TASP1: variants seen among roughly 807,000 people sequenced by gnomAD.
The protein encoded by TASP1 is threonine aspartase 1.
A neutral mutation model predicts 56.6 loss-of-function variants in TASP1; 16 were observed. The observed-to-expected ratio is 0.28, with a 90% CI of 0.19 to 0.43. The LOEUF (loss-of-function observed/expected upper bound fraction) is 0.43, where lower values mean the gene tolerates loss of function less well. TASP1 is among the 20% of genes least tolerant of loss of function. The pLI is 1.00. For missense variants in TASP1, 393 were observed against 511.6 expected (o/e 0.77, Z 2.24); for synonymous variants, 179 against 184.2 (o/e 0.97, Z 0.23).
At chr20:13,365,854 T>G in the TASP1 span, among the ~76,000 whole-genome samples, 1 of 151,886 alleles carries the variant, frequency 6.6e-6, no homozygotes, top group Non-Finnish European at 1.5e-5. Flanking sequence ...GGCCTGGGGA[T>G]AGGAAAGGAA....
chr20:13,449,036 C>T (rs2043518766), intron 11 of TASP1, among the ~76,000 whole-genome samples: 1 of 152,028 alleles, frequency 6.6e-6, no homozygotes, highest in South Asian at 2.1e-4. Context: ...ACATGTATAG[C>T]ATTAAAACTT....
the TASP1 span, among the ~76,000 whole-genome samples, chr20:13,105,577 A>C: frequency 5.9e-5 from 9 of 152,144 alleles, no homozygotes; most frequent in Admixed American, 3.9e-4. Flanking sequence ...TGTTTATGTG[A>C]CCTTTTTGGT....
At chr20:13,597,349 T>C (rs1465995890) in intron 4 of TASP1, among the ~76,000 whole-genome samples, 5 of 152,240 alleles carry the variant, frequency 3.3e-5, no homozygotes, top group Admixed American at 2.6e-4. Flanking sequence ...CAAGTTGGCT[T>C]CATCCCTGGG....
rs1182482898 is a variant in TASP1 at position 13,588,248 on chromosome 20, AG to A, written c.283-879del. Among the ~76,000 whole-genome samples the A allele has an allele frequency of 3.0e-5, 4 of 132,996 alleles. No homozygotes were observed. The East Asian group carries it at 8.7e-4, about 29-fold the overall frequency. 87.3% of individuals were successfully genotyped at this position (132,996 alleles called of 152,430 possible). Reference sequence around the variant, plus strand: ...ACAAAAAGGAGAAAGAAAGAAAGGAAGAAAGGAAGGAAGGAAGGAAGGAAGG... The same window carrying A: ...ACAAAAAGGAGAAAGAAAGAAAGGAAAAAGGAAGGAAGGAAGGAAGGAAGG... On this transcript the variant is annotated intron_variant, in intron 4 of 13. Transcript: ENST00000337743.
chr20:13,435,397 C>T (rs2042966768), intron 11 of TASP1, among the ~76,000 whole-genome samples: 1 of 152,048 alleles, frequency 6.6e-6, no homozygotes, highest in Non-Finnish European at 1.5e-5. Flanking sequence ...AGGGAATGTG[C>T]ATTACTGTAT....
chr20:13,105,355 TC>T, the TASP1 span, among the ~76,000 whole-genome samples: 1 of 152,134 alleles, frequency 6.6e-6, no homozygotes, highest in Non-Finnish European at 1.5e-5. Context: ...CAAAAGCCAC[TC>T]CCATGGCTAT....
At chr20:13,183,833 A>T in the TASP1 span, among the ~76,000 whole-genome samples, 2 of 151,914 alleles carry the variant, frequency 1.3e-5, no homozygotes, top group African/African-American at 2.4e-5. Context: ...ATTGAGACCA[A>T]CCTGGCTAAC....
At chr20:13,125,682 C>G in the TASP1 span, among the ~76,000 whole-genome samples, 12 of 152,176 alleles carry the variant, frequency 7.9e-5, no homozygotes, top group African/African-American at 2.9e-4. Flanking sequence ...CTTCTCTGTT[C>G]CACATGGTTG....
the TASP1 span, among the ~76,000 whole-genome samples, chr20:13,337,482 T>C: frequency 6.6e-6 from 1 of 152,156 alleles, no homozygotes; most frequent in African/African-American, 2.4e-5. Flanking sequence ...CTGGATATGG[T>C]GACCTGACAA....
At chr20:13,156,507 A>T in the TASP1 span, among the ~76,000 whole-genome samples, 13 of 152,318 alleles carry the variant, frequency 8.5e-5, no homozygotes, top group Non-Finnish European at 1.8e-4. Flanking sequence ...TGGACAAGTT[A>T]CTCAGCTTTC....
At chr20:13,219,962 G>A in the TASP1 span, among the ~76,000 whole-genome samples, 4 of 152,184 alleles carry the variant, frequency 2.6e-5, no homozygotes, top group African/African-American at 9.6e-5. Context: ...GAGGGGGAAA[G>A]GGAGGCGTGC....
chr20:13,528,661 C>T lies in TASP1; in HGVS notation c.796-150G>A, dbSNP rs145201588. 8.7e-4 allele frequency: 434 copies of T among 497,378 alleles called. 3 individuals are homozygous for T. In the East Asian group the frequency reaches 0.012, roughly 14 times the overall value. 30.8% of individuals were successfully genotyped at this position (497,378 alleles called of 1,614,324 possible). A position where few individuals can be genotyped will look rare whatever the true frequency, so the allele number is the denominator to read the frequency against. ...TACCAGATGTTGTATAAGACATACG[C>T]ACACGATGCTTTTAATACTATCAAA... On this transcript the variant is annotated intron_variant, in intron 9 of 13. Transcript: ENST00000337743.
chr20:13,138,679 A>T, the TASP1 span, among the ~76,000 whole-genome samples: 1 of 152,200 alleles, frequency 6.6e-6, no homozygotes, highest in Admixed American at 6.5e-5. Flanking sequence ...ATTTTAGTTC[A>T]AATACTGCTG....
At chr20:13,365,818 C>G in the TASP1 span, among the ~76,000 whole-genome samples, 3 of 152,034 alleles carry the variant, frequency 2.0e-5, no homozygotes, top group African/African-American at 7.2e-5. Context: ...ATGTGTCTTA[C>G]GAAGTCTGGC....
chr20:13,434,597 C>T (rs528869016), intron 12 of TASP1, among the ~76,000 whole-genome samples: 1 of 152,178 alleles, frequency 6.6e-6, no homozygotes, highest in South Asian at 2.1e-4. Flanking sequence ...GACCAATGCA[C>T]GAAGGTGTCA....
At chr20:13,436,525 C>T (rs777065250) in intron 11 of TASP1, among the ~76,000 whole-genome samples, 7 of 152,046 alleles carry the variant, frequency 4.6e-5, no homozygotes, top group African/African-American at 7.2e-5. Flanking sequence ...GAAGTGACTC[C>T]TCCCTAACGC....
At chr20:13,362,682 G>A in the TASP1 span, among the ~76,000 whole-genome samples, 2 of 151,658 alleles carry the variant, frequency 1.3e-5, no homozygotes, top group Non-Finnish European at 2.9e-5. Flanking sequence ...TCACATGGAC[G>A]CGCATGAAAG....
At chr20:13,554,411 C>T (rs1019837088) in intron 8 of TASP1, among the ~76,000 whole-genome samples, 15 of 152,004 alleles carry the variant, frequency 9.9e-5, no homozygotes, top group African/African-American at 3.6e-4. Context: ...AAAACAAGAG[C>T]GCTCTAATTT....
chr20:13,488,617 A>G (rs908191616), intron 10 of TASP1, among the ~76,000 whole-genome samples: 8 of 152,152 alleles, frequency 5.3e-5, no homozygotes, highest in Non-Finnish European at 7.4e-5. Context: ...TTTAATATTT[A>G]TCTAGATGAT....
Sources: gnomAD v4.1 joint callset for allele counts (sites outside exome capture counted in the v4.1 genomes callset) on GRCh38, gnomAD v4.1.1 for gene constraint, MANE v1.5 for transcripts, NCBI Gene and HGNC (gene_info 2026-07-23, HGNC 2026-07-21) for gene names.